The following ZNF34 variants were observed in gnomAD, a reference collection of about 807,000 sequenced individuals.
ZNF34 encodes zinc finger protein 34, also known as zinc finger protein 34 (KOX 32).
A neutral mutation model predicts 14.4 loss-of-function variants in ZNF34; 8 were observed. That is an observed-to-expected ratio of 0.55 (90% CI 0.33 to 1.00). The LOEUF (loss-of-function observed/expected upper bound fraction) is 1.00. Among genes scored for constraint, ZNF34 ranks in the 50% least tolerant of loss-of-function variants. The probability of loss-of-function intolerance (pLI) is 0.03; values close to 1 mark genes in which losing one functional copy is unlikely to be tolerated. For synonymous variants in ZNF34, 235 were observed against 247.9 expected (o/e 0.95, Z 0.49); for missense variants, 538 against 674.2 (o/e 0.80, Z 2.24).
chr8:144,773,223 G>T lies in ZNF34; in HGVS notation c.*43C>A, dbSNP rs1563782029. Reference sequence around the variant, plus strand: ...GAGTCAGGTGCCGGGGGCGCATGCAGGAAGTGCTCAGCTGGACTCTGCCCT... The same window carrying T: ...GAGTCAGGTGCCGGGGGCGCATGCATGAAGTGCTCAGCTGGACTCTGCCCT... On this transcript the variant is annotated 3_prime_UTR_variant, in exon 6 of 6. Coordinates refer to ENST00000429371, the MANE Select transcript of ZNF34 (RefSeq NM_001286769.2). This position sits in a 1 kb window ranked among gnomAD's most constrained non-coding sequence, Gnocchi z 5.4. 1 of 1,550,592 alleles carries T rather than the reference G, an allele frequency of 6.4e-7. No individual in the cohort carries two copies. The highest frequency in any genetic ancestry group is 1.2e-5 in the South Asian group (1 of 81,298).
chr8:144,781,837 T>C (rs1188710412), intron 1 of ZNF34, among the ~76,000 whole-genome samples: 1 of 152,052 alleles, frequency 6.6e-6, no homozygotes, highest in Non-Finnish European at 1.5e-5. Context: ...CTAAAGAAAA[T>C]TGTGCATCCT....
chr8:144,778,267 C>T, intron 3 of ZNF34, 103 bp from the exon 4 acceptor site: 1 of 1,499,596 alleles, frequency 6.7e-7, no homozygotes, highest in South Asian at 1.3e-5. Context: ...CAGTGGGTGG[C>T]CTGACCCATC....
rs185615412 is a variant in ZNF34 at position 144,777,002 on chromosome 8, C to G, written c.280+456G>C. Among the ~76,000 whole-genome samples, 12 of 151,402 alleles carry G rather than the reference C, an allele frequency of 7.9e-5. No homozygotes were observed. The highest frequency in any genetic ancestry group is 2.9e-4 in the African/African-American group (12 of 41,138). On this transcript the variant is annotated intron_variant, in intron 5 of 5. Transcript: ENST00000429371. This position sits in a 1 kb window ranked among gnomAD's most constrained non-coding sequence, Gnocchi z 4.8. ...ATAGCAGAAATATACTACAACACAA[C>G]TATGTCTGGGTAGTGAGATTCAGGG... is the stretch of plus-strand genomic sequence containing the variant.
intron 1 of ZNF34, among the ~76,000 whole-genome samples, chr8:144,782,842 CAAAAAAAAAAAAAAAAAAA>C (rs548252812): frequency 8.7e-5 from 2 of 22,962 alleles, no homozygotes; most frequent in Non-Finnish European, 1.3e-4. Flanking sequence ...AAGCCTATCT[CAAAAAAAAAAAAAAAAAAA>C]AAAAAAAAAA....
intron 2 of ZNF34, 82 bp downstream of exon 2, chr8:144,780,146 G>T: frequency 1.8e-6 from 2 of 1,084,408 alleles, no homozygotes; most frequent in Middle Eastern, 2.5e-4. Flanking sequence ...GCAGTGAGCT[G>T]TGATCGCACC....
In ZNF34 at chr8:144,774,510, G is replaced by A. The variant is rs750098218; in HGVS notation, c.376C>T (p.His126Tyr). The change falls in exon 6 of 6, where the codon CAC becomes TAC. Residue 126 changes from histidine to tyrosine, a missense_variant. Transcript: ENST00000429371. ...AGGCTCCCCTCTGACTTACTGATGTGGTCACAGGCTTCTACTGGCTCAGAT... is the reference window on the plus strand; with the variant it reads ...AGGCTCCCCTCTGACTTACTGATGTAGTCACAGGCTTCTACTGGCTCAGAT... ...QGSEPVEACD[H>Y]ISKSEGSLEK... 1 of 1,613,912 alleles carries A rather than the reference G, an allele frequency of 6.2e-7. No homozygotes were observed. Among genetic ancestry groups the A allele is most frequent in the Admixed American group, 1.7e-5 (1 of 60,006 alleles).
Position 144,774,326 on chromosome 8 carries a change from G to C in ZNF34, c.560C>G (p.Ser187Ter), listed in dbSNP as rs1239499327. The change falls in exon 6 of 6, where the codon TCA becomes TGA. Residue 187 changes from serine to a stop codon, truncating the protein, a stop_gained. Coordinates refer to ENST00000429371, the MANE Select transcript of ZNF34 (RefSeq NM_001286769.2). LOFTEE classifies it low-confidence loss of function (END_TRUNC). The stretch of plus-strand genomic sequence containing the variant: ...TACACGCTTATGGTTGTTGAGATAT[G>C]ATCTCTGTTCAAAACTTTGCTCACA... ...DICEQSFEQR[S>*]YLNNHKRVHR... 6.2e-7 allele frequency: 1 copy of C among 1,612,118 alleles called. No individual in the cohort carries two copies. Among genetic ancestry groups the C allele is most frequent in the Admixed American group, 1.7e-5 (1 of 59,604 alleles).
rs1371464125 is a variant in ZNF34, at chr8:144,778,454, C to T, written c.18G>A (p.Leu6=). 2 of 1,585,962 alleles carry T rather than the reference C, an allele frequency of 1.3e-6. No individual in the cohort carries two copies. Among genetic ancestry groups the T allele is most frequent in the Non-Finnish European group, 8.6e-7 (1 of 1,166,552 alleles). MAALF[L]SAPPQAEVTF... is the part of the protein sequence containing the mutation. ...AGACACTCACCTGGGGTGGGGCAGA[C>T]AGGAACAAGGCCGCCATTGCCTGAG... Residue 6 remains leucine (L), a synonymous_variant, in exon 3 of 6, where the codon CTG becomes CTA. Coordinates refer to ENST00000429371, the MANE Select transcript of ZNF34 (RefSeq NM_001286769.2).
chr8:144,786,836 G>T (rs1470846989), intron 1 of ZNF34, among the ~76,000 whole-genome samples: 1 of 151,940 alleles, frequency 6.6e-6, no homozygotes, highest in Non-Finnish European at 1.5e-5. Flanking sequence ...CAGGAGGGGC[G>T]GCATTCGCAG....
In ZNF34 at chr8:144,774,571, AGTCAACTCCTT is replaced by A. The variant is rs1563784987; in HGVS notation, c.304_314del (p.Lys102PhefsTer7). The stretch of plus-strand genomic sequence containing the variant: ...CTTCCTCACCAAATGTCTCCTGTGA[AGTCAACTCCTT>A]GTACTCAGTTCTGGTCCCAAGAGCT... On this transcript the variant is annotated frameshift_variant, in exon 6 of 6. Transcript: ENST00000429371. LOFTEE classifies it low-confidence loss of function (END_TRUNC). 6.2e-7 allele frequency: 1 copy of A among 1,613,916 alleles called. No homozygotes were observed. Among genetic ancestry groups the A allele is most frequent in the Non-Finnish European group, 8.5e-7 (1 of 1,179,858 alleles).
intron 1 of ZNF34, among the ~76,000 whole-genome samples, chr8:144,783,197 C>T (rs2130309473): frequency 6.6e-6 from 1 of 152,180 alleles, no homozygotes; most frequent in East Asian, 1.9e-4. Flanking sequence ...GGGAGGATCA[C>T]TTGACCCTGG....
Position 144,772,890 on chromosome 8 carries a change from C to A in ZNF34, c.*376G>T, listed in dbSNP as rs1490942732. 6.6e-6 allele frequency among the ~76,000 whole-genome samples: 1 copy of A among 152,204 alleles called. No individual in the cohort carries two copies. Among genetic ancestry groups the A allele is most frequent in the East Asian group, 1.9e-4 (1 of 5,204 alleles). On this transcript the variant is annotated 3_prime_UTR_variant, in exon 6 of 6. Transcript: ENST00000429371. Reference sequence around the variant, plus strand: ...AAAATGTTAAAATATATGGTGCTCTCTTCAGTGTGAATTTTCTGATATTGA... The same window carrying A: ...AAAATGTTAAAATATATGGTGCTCTATTCAGTGTGAATTTTCTGATATTGA...
At position 144,778,167 on chromosome 8, in the gene ZNF34, G is replaced by A. The variant is rs1442972152; in HGVS notation, c.34-3C>T. 2 of 1,610,156 alleles carry A rather than the reference G, an allele frequency of 1.2e-6. No homozygotes were observed. The highest frequency in any genetic ancestry group is 4.5e-5 in the East Asian group (2 of 44,864). On this transcript the variant is annotated splice_polypyrimidine_tract_variant and splice_region_variant and intron_variant, in intron 3 of 5. Transcript: ENST00000429371. ...ACGTCCTCGAAGGTCACCTCGGCCT[G>A]GAATGACAGGGACTACTGCAGCCCA...
At position 144,773,216 on chromosome 8, in the gene ZNF34, G is replaced by A. The variant is rs201242886; in HGVS notation, c.*50C>T. 90 of 1,533,402 alleles carry A rather than the reference G, an allele frequency of 5.9e-5. No individual in the cohort carries two copies. The highest frequency in any genetic ancestry group is 5.5e-5 in the African/African-American group (4 of 73,138). 95.0% of individuals were successfully genotyped at this position (1,533,402 alleles called of 1,614,324 possible). A position where few individuals can be genotyped will look rare whatever the true frequency, so the allele number is the denominator to read the frequency against. On this transcript the variant is annotated 3_prime_UTR_variant, in exon 6 of 6. Coordinates refer to ENST00000429371, the MANE Select transcript of ZNF34 (RefSeq NM_001286769.2). The surrounding 1 kb of genome is among the most constrained non-coding windows in gnomAD (Gnocchi z 5.4). ...AAGGGCAGAGTCAGGTGCCGGGGGC[G>A]CATGCAGGAAGTGCTCAGCTGGACT...
At position 144,779,255 on chromosome 8, in the gene ZNF34, A is replaced by G. The variant is rs1825721394; in HGVS notation, c.-54-730T>C. Among the ~76,000 whole-genome samples the G allele has an allele frequency of 6.6e-6, 1 of 152,266 alleles. No homozygotes were observed. The highest frequency in any genetic ancestry group is 2.1e-4 in the South Asian group (1 of 4,820). ...GCTTCTTGCTCTCCCAGGCTCATAAACATGTTCTCCATTATCTCAGGTAGC... is the reference window on the plus strand; with the variant it reads ...GCTTCTTGCTCTCCCAGGCTCATAAGCATGTTCTCCATTATCTCAGGTAGC... On this transcript the variant is annotated intron_variant, in intron 2 of 5. Transcript: ENST00000429371. This position sits in a 1 kb window ranked among gnomAD's most constrained non-coding sequence, Gnocchi z 4.1.
At position 144,777,763 on chromosome 8, in the gene ZNF34, G is replaced by A. The variant is rs1250176129; in HGVS notation, c.161-186C>T. Among the ~76,000 whole-genome samples, 2 of 152,058 alleles carry A rather than the reference G, an allele frequency of 1.3e-5. No individual in the cohort carries two copies. Among genetic ancestry groups the A allele is most frequent in the Admixed American group, 1.3e-4 (2 of 15,270 alleles). On this transcript the variant is annotated intron_variant, in intron 4 of 5. Transcript: ENST00000429371. This position sits in a 1 kb window ranked among gnomAD's most constrained non-coding sequence, Gnocchi z 4.8. ...AGCATAAGGGAATGAGAGCTCAGGG[G>A]TTCCCTCCACTAGGAGGTATGCAAC...
intron 1 of ZNF34, among the ~76,000 whole-genome samples, chr8:144,782,842 CAAAA>C (rs548252812): frequency 4.4e-3 from 101 of 22,922 alleles, no homozygotes; most frequent in African/African-American, 0.031. Context: ...AAGCCTATCT[CAAAA>C]AAAAAAAAAA....
chr8:144,784,482 G>A (rs916953776), intron 1 of ZNF34, among the ~76,000 whole-genome samples: 4 of 148,284 alleles, frequency 2.7e-5, no homozygotes, highest in African/African-American at 5.1e-5. Context: ...AAAAAAGGTC[G>A]GGCACGGTGA....
chr8:144,782,842 C>CAAAAAA lies in ZNF34; in HGVS notation c.-107-2568_-107-2563dup. Among the ~76,000 whole-genome samples, 134 of 22,950 alleles carry CAAAAAA rather than the reference C, an allele frequency of 5.8e-3. 6 individuals are homozygous for CAAAAAA. Among genetic ancestry groups the CAAAAAA allele is most frequent in the Middle Eastern group, 0.025 (1 of 40 alleles). 15.1% of individuals were successfully genotyped at this position (22,950 alleles called of 152,430 possible). A position where few individuals can be genotyped will look rare whatever the true frequency, so the allele number is the denominator to read the frequency against. ...ACAGAGACAGAACCAAAGCCTATCTCAAAAAAAAAAAAAAAAAAAAAAAAA... is the reference window on the plus strand; with the variant it reads ...ACAGAGACAGAACCAAAGCCTATCTCAAAAAAAAAAAAAAAAAAAAAAAAAAAAAAA... On this transcript the variant is annotated intron_variant, in intron 1 of 5. Transcript: ENST00000429371.
Sources: gnomAD v4.1 joint callset for allele counts (sites outside exome capture counted in the v4.1 genomes callset) on GRCh38, gnomAD v4.1.1 for gene constraint, Gnocchi (gnomAD v3.1) non-coding constraint, MANE v1.5 for transcripts, NCBI Gene and HGNC (gene_info 2026-07-23, HGNC 2026-07-21) for gene names.